ZKSCAN5: variants seen among roughly 807,000 people sequenced by gnomAD.
ZKSCAN5 encodes zinc finger protein with KRAB and SCAN domains 5.
ZKSCAN5 carries 28 observed loss-of-function variants against 60.0 expected under a neutral mutation model. That is an observed-to-expected ratio of 0.47 (90% CI 0.35 to 0.64). ZKSCAN5 has a LOEUF of 0.64. Among genes scored for constraint, ZKSCAN5 ranks in the 30% least tolerant of loss-of-function variants. ZKSCAN5 has a pLI of 0.01. For missense variants in ZKSCAN5, 881 were observed against 1,034.6 expected (o/e 0.85, Z 2.04); for synonymous variants, 361 against 371.2 (o/e 0.97, Z 0.31).
In ZKSCAN5 at chr7:99,506,222, G is replaced by A; in HGVS notation, c.178G>A (p.Glu60Lys). The A allele has an allele frequency of 6.2e-7, 1 of 1,614,202 alleles. No homozygotes were observed. Among genetic ancestry groups the A allele is most frequent in the Non-Finnish European group, 8.5e-7 (1 of 1,180,052 alleles). ...GCGCTTCAGGCACTTCCAGTACCATGAGGCTTCAGGACCCCGGGAGGCTCT... is the reference window on the plus strand; with the variant it reads ...GCGCTTCAGGCACTTCCAGTACCATAAGGCTTCAGGACCCCGGGAGGCTCT... ...YQRFRHFQYH[E>K]ASGPREALSQ... The change falls in exon 2 of 7, where the codon GAG becomes AAG. Residue 60 changes from glutamate to lysine, a missense_variant. Around this residue, in one of 5 missense-constraint regions of ZKSCAN5, gnomAD observed 53 missense variants for 88.7 expected, o/e 0.60. Coordinates refer to ENST00000326775, the MANE Select transcript of ZKSCAN5 (RefSeq NM_145102.4).
At chr7:99,509,918 G>A (rs1037728036) in intron 2 of ZKSCAN5, among the ~76,000 whole-genome samples, 4 of 152,062 alleles carry the variant, frequency 2.6e-5, no homozygotes, top group Non-Finnish European at 5.9e-5. Flanking sequence ...TTTGTTGTTT[G>A]TGTTCGCTTG....
At chr7:99,516,338 G>A (rs561694424) in intron 3 of ZKSCAN5, among the ~76,000 whole-genome samples, 59 of 152,228 alleles carry the variant, frequency 3.9e-4, no homozygotes, top group Non-Finnish European at 7.9e-4. Context: ...TCTTCATTCG[G>A]ACATAGACTG....
At chr7:99,511,859 G>A (rs554709148) in intron 2 of ZKSCAN5, among the ~76,000 whole-genome samples, 1 of 151,586 alleles carries the variant, frequency 6.6e-6, no homozygotes, top group Non-Finnish European at 1.5e-5. Context: ...GCGCAATCTC[G>A]GCTCACTGCA....
At chr7:99,529,983 C>T (rs1336574915) in intron 6 of ZKSCAN5, among the ~76,000 whole-genome samples, 1 of 148,120 alleles carries the variant, frequency 6.8e-6, no homozygotes, top group African/African-American at 2.5e-5. Context: ...ATCCACCCAC[C>T]TCGGCTTCCC....
intron 5 of ZKSCAN5, 26 bp from the exon 6 acceptor site, chr7:99,525,787 T>G (rs1356019542): frequency 6.4e-7 from 1 of 1,570,412 alleles, no homozygotes. Context: ...AAAGCTCATT[T>G]TTTAATTCTC....
intron 6 of ZKSCAN5, among the ~76,000 whole-genome samples, chr7:99,530,231 C>T (rs1801983305): frequency 1.3e-5 from 2 of 151,836 alleles, no homozygotes; most frequent in Non-Finnish European, 2.9e-5. Flanking sequence ...ATGTGGGTTT[C>T]ACCATGTTGG....
In ZKSCAN5 at chr7:99,520,318, C is replaced by A. The variant is rs961325975; in HGVS notation, c.772+14C>A. 2.5e-6 allele frequency: 4 copies of A among 1,606,498 alleles called. No homozygotes were observed. Among genetic ancestry groups the A allele is most frequent in the Non-Finnish European group, 3.4e-6 (4 of 1,177,686 alleles). On this transcript the variant is annotated intron_variant, in intron 5 of 6. Coordinates refer to ENST00000326775, the MANE Select transcript of ZKSCAN5 (RefSeq NM_145102.4). ...TTACTTCCATGGGTAAGGATTATTT[C>A]ATCTGCATGGATTAGGACATGTTTA...
chr7:99,531,097 A>AT lies in ZKSCAN5; in HGVS notation c.1379-3dup, dbSNP rs766993676. 22 of 1,557,360 alleles carry AT rather than the reference A, an allele frequency of 1.4e-5. No homozygotes were observed. Among genetic ancestry groups the AT allele is most frequent in the African/African-American group, 4.2e-5 (3 of 71,990 alleles). On this transcript the variant is annotated splice_polypyrimidine_tract_variant and intron_variant, in intron 6 of 6. Transcript: ENST00000326775. Reference sequence around the variant, plus strand: ...CTGATGACATTTTCACTTGCTCTTTATTTTTTTTAGGCAGTGACAAAAGAA... The same window carrying AT: ...CTGATGACATTTTCACTTGCTCTTTATTTTTTTTTAGGCAGTGACAAAAGAA...
chr7:99,530,068 CT>C (rs1050626308), intron 6 of ZKSCAN5, among the ~76,000 whole-genome samples: 12 of 100,436 alleles, frequency 1.2e-4, no homozygotes, highest in African/African-American at 4.8e-4. Context: ...TGGAGTCTTG[CT>C]GTTGCCCAGG....
At chr7:99,513,784 T>G (rs568896550) in intron 3 of ZKSCAN5, 4 of 309,746 alleles carry the variant, frequency 1.3e-5, no homozygotes, top group Non-Finnish European at 2.7e-5. Flanking sequence ...TCCCTGCACT[T>G]TGGGAGGCAA....
At position 99,526,058 on chromosome 7, in the gene ZKSCAN5, A is replaced by T; in HGVS notation, c.1018A>T (p.Thr340Ser). ...CACAGACATCAGCCCTAAGCAAAGC[A>T]CACATGGCGAGAGAGGGCACAGATG... ...AITDISPKQS[T>S]HGERGHRCSD... Residue 340 changes from threonine to serine, a missense_variant, in exon 6 of 7, where the codon ACA becomes TCA. By Grantham distance (58) the Thr-to-Ser change is moderately conservative (BLOSUM62 1). Around this residue, in one of 5 missense-constraint regions of ZKSCAN5, gnomAD observed 490 missense variants for 554.5 expected, o/e 0.88. Transcript: ENST00000326775. The T allele has an allele frequency of 6.2e-7, 1 of 1,614,210 alleles. No individual in the cohort carries two copies. Among genetic ancestry groups the T allele is most frequent in the Non-Finnish European group, 8.5e-7 (1 of 1,180,036 alleles).
chr7:99,533,866 G>A lies in ZKSCAN5; in HGVS notation c.*1617G>A. On this transcript the variant is annotated 3_prime_UTR_variant, in exon 7 of 7. Coordinates refer to ENST00000326775, the MANE Select transcript of ZKSCAN5 (RefSeq NM_145102.4). ...TCTCAGGCTCTGCTTTAGAGAACCT[G>A]ATCTAAGACATTTGGTGCCACAAGT... is the stretch of plus-strand genomic sequence containing the variant. The A allele has an allele frequency of 2.7e-6, 1 of 364,448 alleles. No individual in the cohort carries two copies. The highest frequency in any genetic ancestry group is 4.9e-6 in the Non-Finnish European group (1 of 204,942). The allele number at this position is 364,448 out of a possible 1,614,324, so 22.6% of individuals were successfully genotyped here.
At chr7:99,511,524 C>A (rs1236337038) in intron 2 of ZKSCAN5, among the ~76,000 whole-genome samples, 1 of 151,670 alleles carries the variant, frequency 6.6e-6, no homozygotes, top group Non-Finnish European at 1.5e-5. Flanking sequence ...CTCACTGCAG[C>A]CTTGACCTCC....
chr7:99,518,670 C>CTTTTTTT (rs993896580), intron 3 of ZKSCAN5, among the ~76,000 whole-genome samples: 1 of 92,230 alleles, frequency 1.1e-5, no homozygotes, highest in Non-Finnish European at 2.0e-5. Context: ...AGAATGCATC[C>CTTTTTTT]TTTTTTTTTT....
chr7:99,522,864 G>A (rs1336133865), intron 5 of ZKSCAN5, among the ~76,000 whole-genome samples: 1 of 86,690 alleles, frequency 1.2e-5, no homozygotes, highest in African/African-American at 4.9e-5. Flanking sequence ...AGAATATGGA[G>A]GCAAGGAGGA....
intron 2 of ZKSCAN5, among the ~76,000 whole-genome samples, chr7:99,507,964 A>G (rs1314465651): frequency 6.6e-6 from 1 of 152,006 alleles, no homozygotes; most frequent in Non-Finnish European, 1.5e-5. Context: ...TATAAAATTA[A>G]CTGTAGAAGG....
intron 6 of ZKSCAN5, 97 bp downstream of exon 6, chr7:99,526,515 T>C: frequency 1.3e-6 from 2 of 1,486,324 alleles, no homozygotes; most frequent in Non-Finnish European, 1.8e-6. Flanking sequence ...GTGGTGATAC[T>C]GGGGGGGGTA....
intron 3 of ZKSCAN5, among the ~76,000 whole-genome samples, chr7:99,519,271 G>GT (rs1562909173): frequency 2.3e-5 from 3 of 128,408 alleles, no homozygotes; most frequent in Admixed American, 1.0e-4. Context: ...ACCACGCCCA[G>GT]TATTTTTTTT....
intron 2 of ZKSCAN5, among the ~76,000 whole-genome samples, chr7:99,510,286 C>G (rs1464975321): frequency 1.3e-5 from 2 of 151,980 alleles, no homozygotes; most frequent in African/African-American, 2.4e-5. Context: ...GCCACCCAGG[C>G]TGGAGTGCAG....
Sources: allele counts gnomAD v4.1 joint callset (sites outside exome capture counted in the v4.1 genomes callset), GRCh38; gene constraint gnomAD v4.1.1; regional missense constraint gnomAD v4.1.1; transcripts MANE v1.5; gene names NCBI Gene and HGNC (gene_info 2026-07-23, HGNC 2026-07-21).